TSPAN18: variants seen among roughly 807,000 people sequenced by gnomAD.
The protein encoded by TSPAN18 is tetraspanin 18.
In TSPAN18, 14 loss-of-function variants were observed where a neutral mutation model predicts 27.3. The ratio of observed to expected loss-of-function variants is 0.51; its 90% CI spans 0.34 to 0.80. The LOEUF (loss-of-function observed/expected upper bound fraction) is 0.80. Ranked by LOEUF, TSPAN18 falls within the 30% of genes least tolerant of loss-of-function variation. TSPAN18 has a pLI of 0.01. For missense variants in TSPAN18, 268 were observed against 323.9 expected, an observed-to-expected ratio of 0.83 and a Z score of 1.32; for synonymous variants, 143 against 136.5, an observed-to-expected ratio of 1.05 and a Z score of -0.33.
rs565285906 is a variant in TSPAN18 at position 44,878,650 on chromosome 11, T to C, written c.-11+18181T>C. Among the ~76,000 whole-genome samples the C allele has an allele frequency of 5.3e-5, 8 of 152,336 alleles. 1 individual carries two copies. In the South Asian group the frequency reaches 1.7e-3, roughly 32 times the overall value. The stretch of plus-strand genomic sequence containing the variant: ...CCTGTGCATCCTAATAGAACATTAA[T>C]TCTTGAAGATTTGGAAGATCACACC... On this transcript the variant is annotated intron_variant, in intron 3 of 9. Coordinates refer to ENST00000520358, the MANE Select transcript of TSPAN18 (RefSeq NM_130783.5).
Position 44,853,926 on chromosome 11 carries a change from A to G in TSPAN18, c.-152-6402A>G, listed in dbSNP as rs541657691. Among the ~76,000 whole-genome samples, 11 of 152,282 alleles carry G rather than the reference A, an allele frequency of 7.2e-5. No individual in the cohort carries two copies. In the East Asian group the frequency reaches 2.1e-3, roughly 29 times the overall value. On this transcript the variant is annotated intron_variant, in intron 2 of 9. Transcript: ENST00000520358. The stretch of plus-strand genomic sequence containing the variant: ...GCAGGGGAGGGAGGAAAGGAAGGAA[A>G]GGAAGGAAGAAAAATTGCTGCCCAT...
intron 3 of TSPAN18, among the ~76,000 whole-genome samples, chr11:44,866,974 T>C (rs1858054342): frequency 1.3e-5 from 2 of 152,204 alleles, no homozygotes; most frequent in South Asian, 4.1e-4. Flanking sequence ...CTGCAACAAA[T>C]GCATCAATAC....
At chr11:44,788,453 T>TC (rs1856113394) in intron 2 of TSPAN18, among the ~76,000 whole-genome samples, 2 of 144,818 alleles carry the variant, frequency 1.4e-5, no homozygotes, top group South Asian at 4.3e-4. Context: ...TTTCTTTTTT[T>TC]CTCTTTTTTT....
intron 1 of TSPAN18, among the ~76,000 whole-genome samples, chr11:44,731,182 G>C (rs1381122543): frequency 2.6e-5 from 4 of 152,186 alleles, no homozygotes; most frequent in Non-Finnish European, 2.9e-5. Flanking sequence ...TTAGGAGACT[G>C]GTGTTCCAGC....
intron 1 of TSPAN18, among the ~76,000 whole-genome samples, chr11:44,732,448 T>C (rs1205902869): frequency 6.6e-6 from 1 of 152,206 alleles, no homozygotes; most frequent in Non-Finnish European, 1.5e-5. Flanking sequence ...TCTCTTATCC[T>C]GTGTGCTAAA....
intron 4 of TSPAN18, 146 bp from the exon 5 acceptor site, chr11:44,909,559 C>A: frequency 1.3e-6 from 1 of 741,010 alleles, no homozygotes; most frequent in Non-Finnish European, 2.2e-6. Flanking sequence ...GACTCACTGG[C>A]TCTCGCCGCA....
At chr11:44,754,087 C>T (rs773037614) in intron 1 of TSPAN18, among the ~76,000 whole-genome samples, 1 of 152,194 alleles carries the variant, frequency 6.6e-6, no homozygotes, top group Non-Finnish European at 1.5e-5. Flanking sequence ...AATTTTAAAG[C>T]TCTCTGGTTC....
At chr11:44,926,600 A>C (rs1042456101) in intron 8 of TSPAN18, 74 bp from the exon 9 acceptor site, 1 of 1,355,200 alleles carries the variant, frequency 7.4e-7, no homozygotes, top group African/African-American at 1.4e-5. Flanking sequence ...CATGAACCCT[A>C]GTCCACATGC....
At chr11:44,800,931 G>A (rs1856466578) in intron 2 of TSPAN18, among the ~76,000 whole-genome samples, 2 of 152,130 alleles carry the variant, frequency 1.3e-5, no homozygotes, top group African/African-American at 4.8e-5. Flanking sequence ...GGCTGCGAGG[G>A]GCTGGGGGCC....
intron 2 of TSPAN18, among the ~76,000 whole-genome samples, chr11:44,812,679 G>A (rs1856743714): frequency 6.6e-6 from 1 of 152,168 alleles, no homozygotes; most frequent in African/African-American, 2.4e-5. Flanking sequence ...CCCAAAGGGT[G>A]CCAGGGATCA....
intron 5 of TSPAN18, among the ~76,000 whole-genome samples, chr11:44,914,984 A>G (rs1859852431): frequency 6.6e-6 from 1 of 152,242 alleles, no homozygotes; most frequent in African/African-American, 2.4e-5. Context: ...ACCTCGTGGA[A>G]GCCATGCGCA....
intron 5 of TSPAN18, among the ~76,000 whole-genome samples, chr11:44,915,864 C>T (rs146878986): frequency 3.3e-5 from 5 of 152,338 alleles, no homozygotes; most frequent in Admixed American, 1.3e-4. Flanking sequence ...AGAACAGCGT[C>T]CGGTGCCCGG....
chr11:44,844,269 G>T (rs944135079), intron 2 of TSPAN18, among the ~76,000 whole-genome samples: 1 of 149,974 alleles, frequency 6.7e-6, no homozygotes, highest in Non-Finnish European at 1.5e-5. Flanking sequence ...ATGGACATTG[G>T]ATCGTTTCCT....
chr11:44,843,601 G>A (rs915733751), intron 2 of TSPAN18, among the ~76,000 whole-genome samples: 4 of 152,284 alleles, frequency 2.6e-5, no homozygotes, highest in Middle Eastern at 6.8e-3. Flanking sequence ...ATAAGCCTGG[G>A]AGCTCTATGG....
At chr11:44,831,566 C>G (rs1191008476) in intron 2 of TSPAN18, among the ~76,000 whole-genome samples, 1 of 152,190 alleles carries the variant, frequency 6.6e-6, no homozygotes, top group African/African-American at 2.4e-5. Flanking sequence ...TTCACCACTC[C>G]TAGGTCCTAC....
At chr11:44,903,430 C>T (rs1859338455) in intron 3 of TSPAN18, 1 of 456,372 alleles carries the variant, frequency 2.2e-6, no homozygotes, top group South Asian at 1.5e-5. Flanking sequence ...GATGGTGAGT[C>T]TTGGAGGTCC....
At chr11:44,779,409 T>C (rs1184836021) in intron 2 of TSPAN18, among the ~76,000 whole-genome samples, 2 of 152,204 alleles carry the variant, frequency 1.3e-5, no homozygotes, top group Non-Finnish European at 2.9e-5. Flanking sequence ...CTCCTTGACC[T>C]GCTCTGGGCA....
intron 5 of TSPAN18, among the ~76,000 whole-genome samples, chr11:44,914,486 G>A (rs1015493164): frequency 6.6e-6 from 1 of 152,208 alleles, no homozygotes; most frequent in Non-Finnish European, 1.5e-5. Context: ...GCTTGGCTGT[G>A]TTTGTGGGAT....
chr11:44,896,451 C>G (rs549168183), intron 3 of TSPAN18, among the ~76,000 whole-genome samples: 2 of 152,230 alleles, frequency 1.3e-5, no homozygotes, highest in East Asian at 3.9e-4. Context: ...CATGGGCTCA[C>G]GCATGCCAGC....
Sources: allele counts gnomAD v4.1 joint callset (sites outside exome capture counted in the v4.1 genomes callset), GRCh38; gene constraint gnomAD v4.1.1; transcripts MANE v1.5; gene names NCBI Gene and HGNC (gene_info 2026-07-23, HGNC 2026-07-21).